KCNK13: variants seen among roughly 807,000 people sequenced by gnomAD.
KCNK13 encodes potassium channel subfamily K member 13.
In KCNK13, 12 loss-of-function variants were observed where a neutral mutation model predicts 23.4. The ratio of observed to expected loss-of-function variants is 0.51; its 90% CI spans 0.33 to 0.83. The LOEUF (loss-of-function observed/expected upper bound fraction) is 0.83. KCNK13 is among the 40% of genes least tolerant of loss of function. KCNK13 has a pLI of 0.02. For missense variants in KCNK13, 463 were observed against 556.3 expected, an observed-to-expected ratio of 0.83 and a Z score of 1.69; for synonymous variants, 231 against 229.5, an observed-to-expected ratio of 1.01 and a Z score of -0.06.
At chr14:90,161,044 C>T (rs1479461289) in intron 1 of KCNK13, among the ~76,000 whole-genome samples, 1 of 151,988 alleles carries the variant, frequency 6.6e-6, no homozygotes. Flanking sequence ...GGAAACAACC[C>T]AAGTGTCCAT....
At chr14:90,172,277 T>C (rs1220350309) in intron 1 of KCNK13, among the ~76,000 whole-genome samples, 1 of 148,924 alleles carries the variant, frequency 6.7e-6, no homozygotes, top group Non-Finnish European at 1.5e-5. Flanking sequence ...AGATAGTACC[T>C]CTGCACTCTA....
At chr14:90,108,973 G>A (rs1054566091) in intron 1 of KCNK13, among the ~76,000 whole-genome samples, 4 of 152,070 alleles carry the variant, frequency 2.6e-5, no homozygotes, top group African/African-American at 7.2e-5. Context: ...TCAGGAGATC[G>A]AGACCATCCT....
intron 1 of KCNK13, among the ~76,000 whole-genome samples, chr14:90,066,926 A>G (rs1026992353): frequency 1.3e-5 from 2 of 152,242 alleles, no homozygotes; most frequent in African/African-American, 4.8e-5. Context: ...GGATGAATGA[A>G]TTAACCAAAT....
intron 1 of KCNK13, among the ~76,000 whole-genome samples, chr14:90,168,870 G>A (rs1352814749): frequency 6.6e-6 from 1 of 152,164 alleles, no homozygotes; most frequent in Non-Finnish European, 1.5e-5. Context: ...AATCATGGAG[G>A]GGGCCATTTC....
chr14:90,088,116 C>A (rs749417740), intron 1 of KCNK13, among the ~76,000 whole-genome samples: 7 of 152,140 alleles, frequency 4.6e-5, no homozygotes, highest in Non-Finnish European at 8.8e-5. Context: ...GGTTCTTACA[C>A]CTCAGCCTCC....
chr14:90,162,961 C>T (rs1461564131), intron 1 of KCNK13, among the ~76,000 whole-genome samples: 2 of 152,072 alleles, frequency 1.3e-5, no homozygotes, highest in Non-Finnish European at 2.9e-5. Flanking sequence ...GGAAAGTGGG[C>T]TAAAAACATA....
At chr14:90,175,070 G>T (rs1890408212) in intron 1 of KCNK13, among the ~76,000 whole-genome samples, 1 of 152,044 alleles carries the variant, frequency 6.6e-6, no homozygotes, top group Non-Finnish European at 1.5e-5. Flanking sequence ...CCAGGTTTCT[G>T]AAAAACAACT....
At chr14:90,069,000 G>A (rs1003687395) in intron 1 of KCNK13, among the ~76,000 whole-genome samples, 4 of 148,464 alleles carry the variant, frequency 2.7e-5, no homozygotes, top group African/African-American at 9.9e-5. Context: ...CGCCTCGTAT[G>A]TGACTAGATT....
rs557018421 is a variant in KCNK13 at position 90,125,968 on chromosome 14, T to A, written c.335-58143T>A. On this transcript the variant is annotated intron_variant, in intron 1 of 1. Transcript: ENST00000282146. ...GAGCCTGGGGAGGTTGAGGTTGCAG[T>A]GAGCCATGATCATGCCACTGCACTC... is the stretch of plus-strand genomic sequence containing the variant. Among the ~76,000 whole-genome samples, 6 of 150,740 alleles carry A rather than the reference T, an allele frequency of 4.0e-5. No homozygotes were observed. The South Asian group carries it at 1.3e-3, about 32-fold the overall frequency.
intron 1 of KCNK13, among the ~76,000 whole-genome samples, chr14:90,142,246 C>T (rs905962194): frequency 6.7e-6 from 1 of 149,692 alleles, no homozygotes; most frequent in South Asian, 2.1e-4. Context: ...TCAGCATAAT[C>T]ATTTTGAGAT....
intron 1 of KCNK13, among the ~76,000 whole-genome samples, chr14:90,142,137 C>CGATCT (rs1432904343): frequency 6.6e-6 from 1 of 151,794 alleles, no homozygotes; most frequent in Admixed American, 6.6e-5. Context: ...AGGTAACTAG[C>CGATCT]GATCTGCTCT....
chr14:90,111,620 C>T (rs1273171839), intron 1 of KCNK13, among the ~76,000 whole-genome samples: 2 of 152,110 alleles, frequency 1.3e-5, no homozygotes, highest in Non-Finnish European at 2.9e-5. Context: ...ACCTGCACTT[C>T]TTTGGAGAAG....
intron 1 of KCNK13, among the ~76,000 whole-genome samples, chr14:90,139,898 G>A (rs371855488): frequency 1.8e-4 from 28 of 152,060 alleles, no homozygotes; most frequent in African/African-American, 6.5e-4. Flanking sequence ...GGAGCTGGAG[G>A]TTGCAGTGAC....
intron 1 of KCNK13, among the ~76,000 whole-genome samples, chr14:90,077,887 A>G (rs192217307): frequency 2.0e-5 from 3 of 152,246 alleles, no homozygotes; most frequent in Non-Finnish European, 4.4e-5. Flanking sequence ...CCCATTCCCA[A>G]CAGAATCACG....
At chr14:90,142,534 A>G (rs1176568372) in intron 1 of KCNK13, among the ~76,000 whole-genome samples, 3 of 150,890 alleles carry the variant, frequency 2.0e-5, no homozygotes, top group African/African-American at 7.3e-5. Context: ...TAGCCAGGAT[A>G]GTCTCGATCT....
intron 1 of KCNK13, among the ~76,000 whole-genome samples, chr14:90,169,157 G>T (rs1890337640): frequency 6.6e-6 from 1 of 152,182 alleles, no homozygotes; most frequent in African/African-American, 2.4e-5. Flanking sequence ...AAACTAAAAA[G>T]TTAATTTTTA....
At chr14:90,094,072 G>A (rs1045922479) in intron 1 of KCNK13, among the ~76,000 whole-genome samples, 8 of 152,032 alleles carry the variant, frequency 5.3e-5, no homozygotes, top group South Asian at 4.1e-4. Context: ...CTCTGAGGTC[G>A]TGCTGTCTGC....
At chr14:90,117,431 A>T (rs1470285211) in intron 1 of KCNK13, among the ~76,000 whole-genome samples, 1 of 152,094 alleles carries the variant, frequency 6.6e-6, no homozygotes, top group Non-Finnish European at 1.5e-5. Context: ...CTCTACTCAA[A>T]ATACAAAAAT....
chr14:90,092,370 A>G (rs1304779151), intron 1 of KCNK13, among the ~76,000 whole-genome samples: 1 of 152,228 alleles, frequency 6.6e-6, no homozygotes, highest in African/African-American at 2.4e-5. Context: ...TTTCTTTCTA[A>G]TAATTGATAT....
Sources: gnomAD v4.1 joint callset for allele counts (sites outside exome capture counted in the v4.1 genomes callset) on GRCh38, gnomAD v4.1.1 for gene constraint, MANE v1.5 for transcripts, NCBI Gene and HGNC (gene_info 2026-07-23, HGNC 2026-07-21) for gene names.